Variants in AIG1 observed in about 807,000 individuals in gnomAD.
The protein encoded by AIG1 is androgen induced 1, also known as androgen-induced gene 1 protein.
AIG1 carries 23 observed loss-of-function variants against 31.4 expected under a neutral mutation model. The observed-to-expected ratio is 0.73, with a 90% CI of 0.53 to 1.04. The LOEUF is 1.04. AIG1 is among the 50% of genes least tolerant of loss of function. The probability of loss-of-function intolerance (pLI) is 0.00; values close to 1 mark genes in which losing one functional copy is unlikely to be tolerated. For synonymous variants in AIG1, 100 were observed against 110.5 expected, an observed-to-expected ratio of 0.90 and a Z score of 0.60; for missense variants, 274 against 295.0, an observed-to-expected ratio of 0.93 and a Z score of 0.52.
chr6:143,286,856 C>G (rs1215522930), intron 4 of AIG1, among the ~76,000 whole-genome samples: 3 of 151,988 alleles, frequency 2.0e-5, no homozygotes, highest in Non-Finnish European at 4.4e-5. Context: ...TGAATCTATT[C>G]TCTTCCCAGG....
rs894165162 is a variant in AIG1 at position 143,338,030 on chromosome 6, A to AC, written c.680-1603dup. The AC allele has an allele frequency of 5.0e-5, 20 of 398,222 alleles. No individual in the cohort carries two copies. The highest frequency in any genetic ancestry group is 1.3e-3 in the Middle Eastern group (2 of 1,590). 24.7% of individuals were successfully genotyped at this position (398,222 alleles called of 1,614,324 possible). A position where few individuals can be genotyped will look rare whatever the true frequency, so the allele number is the denominator to read the frequency against. On this transcript the variant is annotated intron_variant, in intron 5 of 5. Coordinates refer to ENST00000357847, the MANE Select transcript of AIG1 (RefSeq NM_016108.4). This position sits in a 1 kb window ranked among gnomAD's most constrained non-coding sequence, Gnocchi z 4.3. ...ATTTTCCCTCTCTAGGTCAATGAAT[A>AC]CCCCCCGTTCTCCACCCGCGCTTTT...
intron 3 of AIG1, among the ~76,000 whole-genome samples, chr6:143,202,749 G>A (rs1159352028): frequency 6.6e-6 from 1 of 152,136 alleles, no homozygotes; most frequent in East Asian, 1.9e-4. Context: ...CCAGCATATG[G>A]GGAACCTGGA....
chr6:143,100,741 A>G (rs538142856), intron 1 of AIG1, among the ~76,000 whole-genome samples: 2 of 151,288 alleles, frequency 1.3e-5, no homozygotes, highest in African/African-American at 4.9e-5. Flanking sequence ...GCTAGAGTGC[A>G]GTGGTGCTAT....
At chr6:143,316,207 A>C (rs980474078) in intron 4 of AIG1, among the ~76,000 whole-genome samples, 4 of 152,068 alleles carry the variant, frequency 2.6e-5, no homozygotes, top group African/African-American at 9.7e-5. Context: ...CAATGGTGCA[A>C]AATATCTGAG....
At chr6:143,100,242 C>T (rs1000460311) in intron 1 of AIG1, among the ~76,000 whole-genome samples, 17 of 152,118 alleles carry the variant, frequency 1.1e-4, no homozygotes, top group African/African-American at 2.9e-4. Flanking sequence ...TCCTCTGAAC[C>T]GTAAGATTTA....
chr6:143,240,411 G>C (rs556720122), intron 3 of AIG1, among the ~76,000 whole-genome samples: 41 of 152,278 alleles, frequency 2.7e-4, no homozygotes, highest in African/African-American at 9.4e-4. Flanking sequence ...GTTACATGTG[G>C]CAAGTCTATT....
chr6:143,244,577 A>G (rs1325889626), intron 3 of AIG1, among the ~76,000 whole-genome samples: 1 of 152,196 alleles, frequency 6.6e-6, no homozygotes, highest in East Asian at 1.9e-4. Context: ...CTGAGAATGC[A>G]CTATATACTT....
chr6:143,062,365 T>G (rs1776332416), intron 1 of AIG1, among the ~76,000 whole-genome samples: 1 of 152,184 alleles, frequency 6.6e-6, no homozygotes. Context: ...TTGAAACTAA[T>G]TTCCCTCTGA....
At chr6:143,251,384 A>G (rs1795003690) in intron 3 of AIG1, among the ~76,000 whole-genome samples, 2 of 152,166 alleles carry the variant, frequency 1.3e-5, no homozygotes, top group South Asian at 2.1e-4. Flanking sequence ...AGCTGTAGTT[A>G]TCTTTAGAAC....
intron 2 of AIG1, among the ~76,000 whole-genome samples, chr6:143,147,560 AG>A (rs1190649025): frequency 5.3e-5 from 8 of 152,150 alleles, no homozygotes; most frequent in Non-Finnish European, 1.2e-4. Context: ...GCCCTGGCCC[AG>A]GGGGCGGCTA....
At chr6:143,105,008 G>T (rs541986236) in intron 1 of AIG1, among the ~76,000 whole-genome samples, 14 of 152,274 alleles carry the variant, frequency 9.2e-5, no homozygotes, top group African/African-American at 3.4e-4. Flanking sequence ...GCATAAAATG[G>T]CATATTAACA....
chr6:143,071,656 C>T (rs1000062943), intron 1 of AIG1, among the ~76,000 whole-genome samples: 1 of 151,582 alleles, frequency 6.6e-6, no homozygotes, highest in Non-Finnish European at 1.5e-5. Flanking sequence ...GATATCTCAT[C>T]GTGGTGGTGG....
At chr6:143,342,836 C>G (rs1255258210), downstream of AIG1, 3 of 807,896 alleles carry the variant, frequency 3.7e-6, no homozygotes, top group Non-Finnish European at 6.8e-6. Context: ...TATTTCAAAT[C>G]TAATCCAGCC....
chr6:143,176,330 G>T (rs1277371971), intron 3 of AIG1, among the ~76,000 whole-genome samples: 1 of 152,274 alleles, frequency 6.6e-6, no homozygotes, highest in Non-Finnish European at 1.5e-5. Flanking sequence ...GGGAGTATAG[G>T]GAGGATATAA....
At chr6:143,173,637 G>A (rs943207816) in intron 3 of AIG1, among the ~76,000 whole-genome samples, 1 of 152,088 alleles carries the variant, frequency 6.6e-6, no homozygotes, top group South Asian at 2.1e-4. Context: ...TGATTTCATT[G>A]TTGAGCCAAT....
At chr6:143,110,088 G>A (rs879836313) in intron 1 of AIG1, among the ~76,000 whole-genome samples, 3 of 152,048 alleles carry the variant, frequency 2.0e-5, no homozygotes, top group Non-Finnish European at 4.4e-5. Context: ...TCTCACATGG[G>A]TATCCATTCT....
chr6:143,076,430 T>G (rs528516048), intron 1 of AIG1, among the ~76,000 whole-genome samples: 16 of 152,206 alleles, frequency 1.1e-4, no homozygotes, highest in Non-Finnish European at 2.4e-4. Flanking sequence ...TTTTTCCATA[T>G]TTTTACTTTT....
At chr6:143,182,228 C>T (rs1422999508) in intron 3 of AIG1, among the ~76,000 whole-genome samples, 1 of 152,102 alleles carries the variant, frequency 6.6e-6, no homozygotes, top group Non-Finnish European at 1.5e-5. Flanking sequence ...GAGCCAGGTT[C>T]TCACTATGTT....
chr6:143,215,830 C>G (rs142596472), intron 3 of AIG1, among the ~76,000 whole-genome samples: 4 of 152,176 alleles, frequency 2.6e-5, no homozygotes, highest in African/African-American at 7.2e-5. Flanking sequence ...GTTAGTAAAC[C>G]TTTTTTTGTA....
Sources: gnomAD v4.1 joint callset for allele counts (sites outside exome capture counted in the v4.1 genomes callset) on GRCh38, gnomAD v4.1.1 for gene constraint, Gnocchi (gnomAD v3.1) non-coding constraint, MANE v1.5 for transcripts, NCBI Gene and HGNC (gene_info 2026-07-23, HGNC 2026-07-21) for gene names.